Variants in RSPH9 observed in about 807,000 individuals in gnomAD.
RSPH9 encodes radial spoke head protein 9 homolog.
Under a neutral mutation model 27.0 loss-of-function variants are expected in RSPH9, and 27 were observed. The observed-to-expected ratio is 1.00, with a 90% CI of 0.74 to 1.38. RSPH9 has a LOEUF of 1.38. RSPH9 is among the 40% of genes most tolerant of loss of function. RSPH9 has a pLI of 0.00. For synonymous variants in RSPH9, 145 were observed against 147.7 expected, an observed-to-expected ratio of 0.98 and a Z score of 0.13; for missense variants, 347 against 357.4, an observed-to-expected ratio of 0.97 and a Z score of 0.24.
chr6:43,650,424 G>A lies in RSPH9; in HGVS notation c.277G>A (p.Val93Met). 6.2e-7 allele frequency: 1 copy of A among 1,614,022 alleles called. No homozygotes were observed. The highest frequency in any genetic ancestry group is 1.7e-5 in the Admixed American group (1 of 60,010). The stretch of plus-strand genomic sequence containing the variant: ...CTTGCCCCCTGCCACAGAGGAGATG[G>A]TGGCGCAGTCGTCTGTGGTGAAGGG... ...SLLPPATEEMVAQSSVVKGRF... is the reference protein window; with the variant it reads ...SLLPPATEEMMAQSSVVKGRF... Residue 93 changes from valine to methionine, a missense_variant, in exon 2 of 5, where the codon GTG becomes ATG. Coordinates refer to ENST00000372163, the MANE Select transcript of RSPH9 (RefSeq NM_152732.5).
chr6:43,667,492 G>A (rs1018895576), intron 4 of RSPH9, among the ~76,000 whole-genome samples: 5 of 152,234 alleles, frequency 3.3e-5, no homozygotes, highest in African/African-American at 1.2e-4. Context: ...CGGGAAGGGG[G>A]CGAGTGAGGC....
rs768817790 is a variant in RSPH9, at chr6:43,645,180, C to T, written c.82C>T (p.Leu28=). Residue 28 remains leucine (L), a synonymous_variant, in exon 1 of 5, where the codon CTG becomes TTG. Coordinates refer to ENST00000372163, the MANE Select transcript of RSPH9 (RefSeq NM_152732.5). ...CCTCAGCCCGGACCGTCGGGCCTCG[C>T]TGCTCACGTCTCTTATGCTGGTTAA... The part of the protein sequence containing the change: ...QGLSPDRRAS[L]LTSLMLVKRD... 6.2e-6 allele frequency: 10 copies of T among 1,613,804 alleles called. No homozygotes were observed. The highest frequency in any genetic ancestry group is 1.1e-5 in the South Asian group (1 of 91,090).
chr6:43,656,000 C>CCTTCCTTCCTTCCTTG (rs1300736686), intron 3 of RSPH9, among the ~76,000 whole-genome samples: 42 of 131,512 alleles, frequency 3.2e-4, no homozygotes, highest in Non-Finnish European at 5.2e-4. Context: ...TTCCTTCCTT[C>CCTTCCTTCCTTCCTTG]CTTCCTTCCT....
chr6:43,660,594 G>T lies in RSPH9; in HGVS notation c.670+3871G>T, dbSNP rs554403792. On this transcript the variant is annotated intron_variant, in intron 4 of 4. Coordinates refer to ENST00000372163, the MANE Select transcript of RSPH9 (RefSeq NM_152732.5). ...TTCTTCTGCCTCAGCCTCCCGAGTA[G>T]CTGGGACTACAGGCGCCCATCACCA... Among the ~76,000 whole-genome samples, 11 of 152,166 alleles carry T rather than the reference G, an allele frequency of 7.2e-5. No individual in the cohort carries two copies. The South Asian group carries it at 2.1e-3, about 29-fold the overall frequency.
chr6:43,646,444 T>C (rs1202523170), intron 1 of RSPH9, among the ~76,000 whole-genome samples: 1 of 151,530 alleles, frequency 6.6e-6, no homozygotes, highest in Admixed American at 6.6e-5. Flanking sequence ...TTATTTATTA[T>C]TTTTGTAATT....
At chr6:43,656,284 C>T (rs1432519123) in intron 3 of RSPH9, among the ~76,000 whole-genome samples, 2 of 152,108 alleles carry the variant, frequency 1.3e-5, no homozygotes, top group Admixed American at 1.3e-4. Context: ...CGGGGTTTTG[C>T]CATGTTGGCC....
intron 4 of RSPH9, among the ~76,000 whole-genome samples, chr6:43,664,027 GAA>G (rs1294350617): frequency 5.1e-5 from 4 of 79,060 alleles, no homozygotes; most frequent in Non-Finnish European, 7.2e-5. Flanking sequence ...AGAATGTCTC[GAA>G]AAAAAAAAAA....
intron 2 of RSPH9, among the ~76,000 whole-genome samples, chr6:43,653,448 A>G (rs1201727953): frequency 8.1e-6 from 1 of 123,120 alleles, no homozygotes; most frequent in African/African-American, 2.6e-5. Context: ...CTCCGTCTCA[A>G]AAAAAAAAAA....
chr6:43,667,848 C>T lies in RSPH9; in HGVS notation c.671-2941C>T, dbSNP rs543172865. Among the ~76,000 whole-genome samples the T allele has an allele frequency of 4.6e-5, 7 of 152,198 alleles. No homozygotes were observed. The South Asian group carries it at 1.5e-3, about 32-fold the overall frequency. The stretch of plus-strand genomic sequence containing the variant: ...TGAGAGGGTTTGAGCCATCTGTTGC[C>T]CCTGGACAGCCCTGGTCCCCAGCCT... On this transcript the variant is annotated intron_variant, in intron 4 of 4. Coordinates refer to ENST00000372163, the MANE Select transcript of RSPH9 (RefSeq NM_152732.5).
intron 1 of RSPH9, among the ~76,000 whole-genome samples, chr6:43,646,828 C>T (rs923908492): frequency 1.3e-5 from 2 of 151,636 alleles, no homozygotes; most frequent in South Asian, 2.1e-4. Flanking sequence ...TGGTGGCGGG[C>T]GCCTGTAGTC....
rs531310574 is a variant in RSPH9 at position 43,648,067 on chromosome 6, C to T, written c.228-2308C>T. 1.2e-4 allele frequency among the ~76,000 whole-genome samples: 18 copies of T among 152,146 alleles called. No individual in the cohort carries two copies. The South Asian group carries it at 3.1e-3, about 26-fold the overall frequency. ...GGTAGATCACCTGAGGTCAGGAGTT[C>T]GAGACCAGCCTGACCAACATGGCCT... On this transcript the variant is annotated intron_variant, in intron 1 of 4. Transcript: ENST00000372163.
intron 4 of RSPH9, among the ~76,000 whole-genome samples, chr6:43,661,963 C>T (rs1036401938): frequency 2.6e-5 from 4 of 152,190 alleles, no homozygotes; most frequent in Non-Finnish European, 5.9e-5. Flanking sequence ...TCATGCTTCA[C>T]TGTAGCCTCG....
chr6:43,666,583 A>G (rs911247205), intron 4 of RSPH9: 8 of 1,097,734 alleles, frequency 7.3e-6, no homozygotes, highest in African/African-American at 1.6e-5. Context: ...TTGGCTGAAG[A>G]GAGGAGTGGG....
In RSPH9 at chr6:43,671,964, G is replaced by T; in HGVS notation, c.*1015G>T. 6.6e-7 allele frequency: 1 copy of T among 1,509,060 alleles called. No individual in the cohort carries two copies. Among genetic ancestry groups the T allele is most frequent in the East Asian group, 2.4e-5 (1 of 41,454 alleles). 93.5% of individuals were successfully genotyped at this position (1,509,060 alleles called of 1,614,324 possible). Reference sequence around the variant, plus strand: ...GGCTGGGGGCCCAAGCTGGACGTGGGAGAGTGGAGCACTACCTCCTCAGGC... The same window carrying T: ...GGCTGGGGGCCCAAGCTGGACGTGGTAGAGTGGAGCACTACCTCCTCAGGC... On this transcript the variant is annotated 3_prime_UTR_variant, in exon 5 of 5. Transcript: ENST00000372163.
chr6:43,647,136 A>G (rs998084598), intron 1 of RSPH9, among the ~76,000 whole-genome samples: 1 of 136,134 alleles, frequency 7.3e-6, no homozygotes, highest in Non-Finnish European at 1.7e-5. Flanking sequence ...CTCAAAACAA[A>G]TAAATAAATA....
rs774959600 is a variant in RSPH9, at chr6:43,655,691, G to A, written c.523G>A (p.Gly175Arg). 6 of 1,614,246 alleles carry A rather than the reference G, an allele frequency of 3.7e-6. No individual in the cohort carries two copies. The highest frequency in any genetic ancestry group is 3.3e-5 in the Admixed American group (2 of 60,034). Residue 175 changes from glycine (G) to arginine (R), a missense_variant and splice_region_variant, in exon 3 of 5, where the codon GGA (glycine) becomes AGA (arginine). Physicochemically the swap from Gly to Arg is moderately radical, Grantham distance 125. Transcript: ENST00000372163. Reference protein sequence around the residue: ...GPTHVNRTFEGLSLSEAKKLS... With the variant: ...GPTHVNRTFERLSLSEAKKLS... The stretch of plus-strand genomic sequence containing the variant: ...CACCCATGTCAATCGGACCTTTGAA[G>A]GTGAGTTCTCTGGGGCCCCTCTCAA...
intron 1 of RSPH9, among the ~76,000 whole-genome samples, chr6:43,647,783 T>C (rs1771036977): frequency 6.6e-6 from 1 of 152,226 alleles, no homozygotes; most frequent in South Asian, 2.1e-4. Context: ...AAGCATCTGC[T>C]GAGCACCTAC....
intron 4 of RSPH9, among the ~76,000 whole-genome samples, chr6:43,657,976 A>G (rs1175846780): frequency 6.6e-6 from 1 of 152,306 alleles, no homozygotes; most frequent in African/African-American, 2.4e-5. Context: ...TGCCTAACAC[A>G]TAGTAAGGAC....
At chr6:43,645,431 G>A (rs1398699809) in intron 1 of RSPH9, 106 bp downstream of exon 1, 2 of 947,542 alleles carry the variant, frequency 2.1e-6, no homozygotes. Context: ...GGGGCCAAGG[G>A]AGGTGTGGGC....
Sources: gnomAD v4.1 joint callset for allele counts (sites outside exome capture counted in the v4.1 genomes callset) on GRCh38, gnomAD v4.1.1 for gene constraint, MANE v1.5 for transcripts, NCBI Gene and HGNC (gene_info 2026-07-23, HGNC 2026-07-21) for gene names.